OR6P1: variants seen among roughly 807,000 people sequenced by gnomAD.
OR6P1 encodes olfactory receptor family 6 subfamily P member 1.
Under a neutral mutation model 6.6 loss-of-function variants are expected in OR6P1, and 5 were observed. That is an observed-to-expected ratio of 0.76 (90% CI 0.40 to 1.60). OR6P1 has a LOEUF of 1.60. OR6P1 is among the 40% of genes most tolerant of loss of function. The probability of loss-of-function intolerance (pLI) is 0.02; values close to 1 mark genes in which losing one functional copy is unlikely to be tolerated. For synonymous variants in OR6P1, 177 were observed against 149.6 expected (o/e 1.18, Z -1.33); for missense variants, 451 against 383.0 (o/e 1.18, Z -1.48).
chr1:158,570,254 C>T lies in OR6P1; in HGVS notation c.-118+188G>A, dbSNP rs114377870. On this transcript the variant is annotated intron_variant, in intron 1 of 2. Transcript: ENST00000641540. ...ACATTTCAGATGCATTTCTCAGGTG[C>T]TATCTCTAGAATCATAAACACATGA... Among the ~76,000 whole-genome samples, 1,201 of 152,350 alleles carry T rather than the reference C, an allele frequency of 7.9e-3. 15 individuals carry two copies. Among genetic ancestry groups the T allele is most frequent in the African/African-American group, 0.028 (1,153 of 41,588 alleles).
At chr1:158,565,237 C>G (rs1021010167) in intron 2 of OR6P1, among the ~76,000 whole-genome samples, 49 of 152,114 alleles carry the variant, frequency 3.2e-4, no homozygotes, top group African/African-American at 1.1e-3. Flanking sequence ...TAATTTTTTA[C>G]TGCATTATGA....
intron 2 of OR6P1, among the ~76,000 whole-genome samples, chr1:158,566,173 C>A (rs1427182632): frequency 2.6e-5 from 4 of 152,144 alleles, no homozygotes; most frequent in Non-Finnish European, 5.9e-5. Flanking sequence ...AGGACACTTT[C>A]TCTAGCAGAT....
rs542761626 is a variant in OR6P1, at chr1:158,560,750, C to T, written c.*1901G>A. 6.6e-6 allele frequency: 1 copy of T among 152,240 alleles called. No individual in the cohort carries two copies. Among genetic ancestry groups the T allele is most frequent in the South Asian group, 2.1e-4 (1 of 4,818 alleles). The allele number at this position is 152,240 out of a possible 1,614,324, so 9.4% of individuals were successfully genotyped here. A position where few individuals can be genotyped will look rare whatever the true frequency, so the allele number is the denominator to read the frequency against. On this transcript the variant is annotated 3_prime_UTR_variant, in exon 3 of 3. Coordinates refer to ENST00000641540, the MANE Select transcript of OR6P1 (RefSeq NM_001160325.2). ...TCCACCTTAACTTGGAATTTTCAAG[C>T]CCTGTAAGAGCCTATATCACTTGTA...
In OR6P1 at chr1:158,563,122, A is replaced by C. The variant is rs1433981270; in HGVS notation, c.483T>G (p.Leu161=). ...SGFFSSMMKL[L]FISQLSYCGP... ...CACAGTAGGACAATTGGGAAATAAA[A>C]AGAAGCTTCATCATGGAGCTGAAGA... Residue 161 remains leucine (L), a synonymous_variant, in exon 3 of 3, where the codon CTT becomes CTG. Transcript: ENST00000641540. The C allele has an allele frequency of 3.9e-6, 6 of 1,551,550 alleles. No individual in the cohort carries two copies.
rs1258248734 is a variant in OR6P1, at chr1:158,563,042, G to A, written c.563C>T (p.Thr188Ile). ...CTCTGCTTGCTCCTTGTCAGAGCAG[G>A]TGAGGTTGAGTAGTGGGGAAATATC... ...FCDISPLLNLTCSDKEQAELV... is the reference protein window; with the variant it reads ...FCDISPLLNLICSDKEQAELV... The change falls in exon 3 of 3, where the codon ACC becomes ATC. Residue 188 changes from threonine to isoleucine, a missense_variant. Transcript: ENST00000641540. The A allele has an allele frequency of 3.2e-6, 5 of 1,551,674 alleles. No individual in the cohort carries two copies. Among genetic ancestry groups the A allele is most frequent in the Admixed American group, 2.0e-5 (1 of 50,988 alleles).
rs1648210394 is a variant in OR6P1 at position 158,570,517 on chromosome 1, C to A, written c.-193G>T. 6.6e-6 allele frequency: 1 copy of A among 152,092 alleles called. No homozygotes were observed. Among genetic ancestry groups the A allele is most frequent in the Admixed American group, 6.6e-5 (1 of 15,258 alleles). The allele number at this position is 152,092 out of a possible 1,614,324, so 9.4% of individuals were successfully genotyped here. ...CTGTCTTCCACATTCACACATATACCCTGCCTTTTGATATTTGTCAATAGG... is the reference window on the plus strand; with the variant it reads ...CTGTCTTCCACATTCACACATATACACTGCCTTTTGATATTTGTCAATAGG... On this transcript the variant is annotated 5_prime_UTR_variant, in exon 1 of 3. Coordinates refer to ENST00000641540, the MANE Select transcript of OR6P1 (RefSeq NM_001160325.2).
At position 158,562,826 on chromosome 1, in the gene OR6P1, G is replaced by T; in HGVS notation, c.779C>A (p.Ala260Glu). The T allele has an allele frequency of 1.3e-6, 2 of 1,552,088 alleles. No individual in the cohort carries two copies. The highest frequency in any genetic ancestry group is 2.4e-5 in the South Asian group (2 of 84,064). ...IYYSSTLFTY[A>E]RPRAMYTFNH... ...GAAGGTGTACATGGCCCGGGGCCGT[G>T]CATAGGTGAAGAGAGTGGAGGAGTA... The change falls in exon 3 of 3, where the codon GCA becomes GAA. Residue 260 changes from alanine to glutamate, a missense_variant. Physicochemically the swap from Ala to Glu is moderately radical, Grantham distance 107. Coordinates refer to ENST00000641540, the MANE Select transcript of OR6P1 (RefSeq NM_001160325.2).
At chr1:158,564,604 A>G (rs1177184738) in intron 2 of OR6P1, among the ~76,000 whole-genome samples, 1 of 152,208 alleles carries the variant, frequency 6.6e-6, no homozygotes. Context: ...CACAGCCATC[A>G]GAAGCTAAAA....
chr1:158,567,015 T>A (rs1648113393), intron 1 of OR6P1, among the ~76,000 whole-genome samples, 157 bp from the exon 2 acceptor site: 1 of 152,056 alleles, frequency 6.6e-6, no homozygotes. Flanking sequence ...AAAGAAGACA[T>A]TTATGCAGCC....
intron 2 of OR6P1, 81 bp from the exon 3 acceptor site, chr1:158,563,707 AC>A: frequency 1.4e-6 from 1 of 704,456 alleles, no homozygotes; most frequent in Admixed American, 3.0e-5. Flanking sequence ...GGTTATAACC[AC>A]TGAAGAGCTT....
intron 1 of OR6P1, among the ~76,000 whole-genome samples, chr1:158,567,676 G>A (rs1648132137): frequency 6.7e-6 from 1 of 149,682 alleles, no homozygotes; most frequent in South Asian, 2.2e-4. Flanking sequence ...ATAGCATTGG[G>A]AGATACACCT....
In OR6P1 at chr1:158,562,408, TGGGGGAA is replaced by T; in HGVS notation, c.*236_*242del. 2.1e-6 allele frequency: 1 copy of T among 477,182 alleles called. No homozygotes were observed. Among genetic ancestry groups the T allele is most frequent in the Non-Finnish European group, 3.8e-6 (1 of 265,598 alleles). 29.6% of individuals were successfully genotyped at this position (477,182 alleles called of 1,614,324 possible). On this transcript the variant is annotated 3_prime_UTR_variant, in exon 3 of 3. Transcript: ENST00000641540. ...CAGTAAGACTCTCCACATATTTTTT[TGGGGGAA>T]TCTGTATTTTAACAAATTCCCAGGT... is the stretch of plus-strand genomic sequence containing the variant.
chr1:158,570,372 C>T (rs1648207164), intron 1 of OR6P1, 70 bp downstream of exon 1: 1 of 152,154 alleles, frequency 6.6e-6, no homozygotes, highest in South Asian at 2.1e-4. Context: ...TCAAGAAATT[C>T]AAGCAATTTT....
At chr1:158,568,406 T>C (rs1309594006) in intron 1 of OR6P1, among the ~76,000 whole-genome samples, 1 of 152,152 alleles carries the variant, frequency 6.6e-6, no homozygotes, top group Non-Finnish European at 1.5e-5. Flanking sequence ...CAAGGGAGGA[T>C]TCTACCATTA....
chr1:158,563,724 C>T (rs1251055178), intron 2 of OR6P1, 98 bp from the exon 3 acceptor site: 3 of 624,840 alleles, frequency 4.8e-6, no homozygotes, highest in Non-Finnish European at 5.4e-6. Flanking sequence ...AGCTTAGTGG[C>T]ATATTAATTA....
intron 2 of OR6P1, among the ~76,000 whole-genome samples, chr1:158,564,028 G>A (rs1484784619): frequency 6.6e-6 from 1 of 152,136 alleles, no homozygotes; most frequent in Non-Finnish European, 1.5e-5. Context: ...GAGCCTACAA[G>A]CTTATTTCTC....
Position 158,560,841 on chromosome 1 carries a change from CT to C in OR6P1, c.*1809del, listed in dbSNP as rs543139570. The C allele has an allele frequency of 2.1e-3, 327 of 152,282 alleles. 3 individuals carry two copies. Among genetic ancestry groups the C allele is most frequent in the African/African-American group, 7.5e-3 (312 of 41,582 alleles). 9.4% of individuals were successfully genotyped at this position (152,282 alleles called of 1,614,324 possible). On this transcript the variant is annotated 3_prime_UTR_variant, in exon 3 of 3. Transcript: ENST00000641540. ...AAGACATGCCAAGTTACAAAAGTAG[CT>C]TGAAGCTATTATTTCCCACTAGATA...
At chr1:158,567,248 G>A (rs1648120720) in intron 1 of OR6P1, among the ~76,000 whole-genome samples, 1 of 152,054 alleles carries the variant, frequency 6.6e-6, no homozygotes, top group Admixed American at 6.6e-5. Context: ...ATTCCTCAGG[G>A]ATCTAGAACC....
chr1:158,563,256 C>G lies in OR6P1; in HGVS notation c.349G>C (p.Val117Leu). 6.4e-7 allele frequency: 1 copy of G among 1,551,662 alleles called. No individual in the cohort carries two copies. The highest frequency in any genetic ancestry group is 1.2e-5 in the South Asian group (1 of 84,046). ...LACTECVLLA[V>L]MAYDRYLAIC... ...GCCAGGTAGCGATCATAGGCCATAA[C>G]TGCCAACAGCACACATTCAGTACAG... is the stretch of plus-strand genomic sequence containing the variant. The change falls in exon 3 of 3, where the codon GTT becomes CTT. Residue 117 changes from valine to leucine, a missense_variant. Physicochemically the swap from Val to Leu is conservative, Grantham distance 32 (BLOSUM62 1). Transcript: ENST00000641540.
Sources: gnomAD v4.1 joint callset for allele counts (sites outside exome capture counted in the v4.1 genomes callset) on GRCh38, gnomAD v4.1.1 for gene constraint, MANE v1.5 for transcripts, NCBI Gene and HGNC (gene_info 2026-07-23, HGNC 2026-07-21) for gene names.